The following ANKRD44 variants were observed in gnomAD, a reference collection of about 807,000 sequenced individuals.
ANKRD44 encodes the protein ankyrin repeat domain 44, also known as serine/threonine-protein phosphatase 6 regulatory ankyrin repeat subunit B.
Under a neutral mutation model 116.0 loss-of-function variants are expected in ANKRD44, and 35 were observed. That is an observed-to-expected ratio of 0.30 (90% CI 0.23 to 0.40). ANKRD44 has a LOEUF of 0.40. Ranked by LOEUF, ANKRD44 falls within the 10% of genes least tolerant of loss-of-function variation. ANKRD44 has a pLI of 1.00. For missense variants in ANKRD44, 1,014 were observed against 1,242.6 expected (o/e 0.82, Z 2.77); for synonymous variants, 435 against 461.8 (o/e 0.94, Z 0.74).
chr2:197,040,487 C>T (rs915008578), intron 16 of ANKRD44, among the ~76,000 whole-genome samples: 1 of 144,556 alleles, frequency 6.9e-6, no homozygotes, highest in Non-Finnish European at 1.5e-5. Context: ...AGTGATTATC[C>T]TGCCTCAGCC....
rs536437571 is a variant in ANKRD44 at position 197,294,561 on chromosome 2, T to C, written c.27+16017A>G. 1.2e-3 allele frequency among the ~76,000 whole-genome samples: 181 copies of C among 152,080 alleles called. 1 individual carries two copies. The highest frequency in any genetic ancestry group is 2.3e-3 in the Non-Finnish European group (155 of 68,024). On this transcript the variant is annotated intron_variant, in intron 1 of 27. Coordinates refer to ENST00000282272, the MANE Select transcript of ANKRD44 (RefSeq NM_001195144.2). Reference sequence around the variant, plus strand: ...CTGGAAACCACACACACACATATTTTCATTCTCTCTCTGTCTCTCTGCACC... The same window carrying C: ...CTGGAAACCACACACACACATATTTCCATTCTCTCTCTGTCTCTCTGCACC...
intron 1 of ANKRD44, among the ~76,000 whole-genome samples, chr2:197,283,158 A>T (rs1040328609): frequency 3.9e-5 from 6 of 152,196 alleles, no homozygotes; most frequent in African/African-American, 1.4e-4. Context: ...TCTCACCAGG[A>T]TGTGGAGGCT....
intron 18 of ANKRD44, 101 bp from the exon 19 acceptor site, chr2:197,009,132 G>A (rs187074139): frequency 5.1e-5 from 49 of 956,448 alleles, no homozygotes; most frequent in Admixed American, 4.6e-4. Context: ...TTGCTCTGTC[G>A]CCAGGCTGGA....
At chr2:197,287,253 TAA>T (rs1449548806) in intron 1 of ANKRD44, among the ~76,000 whole-genome samples, 1 of 152,148 alleles carries the variant, frequency 6.6e-6, no homozygotes, top group Non-Finnish European at 1.5e-5. Flanking sequence ...CCCTAAAAAT[TAA>T]AGTCTATTTT....
At chr2:197,081,358 C>T (rs111323680) in intron 15 of ANKRD44, among the ~76,000 whole-genome samples, 183 of 152,326 alleles carry the variant, frequency 1.2e-3, no homozygotes, top group African/African-American at 4.2e-3. Context: ...GTACATGATG[C>T]ATCGCAGTTA....
intron 1 of ANKRD44, among the ~76,000 whole-genome samples, chr2:197,305,800 C>T (rs763379528): frequency 5.3e-5 from 8 of 151,644 alleles, no homozygotes; most frequent in South Asian, 2.1e-4. Flanking sequence ...TATTATCACA[C>T]GAAAAGTTTA....
chr2:197,146,698 T>C (rs554835439), intron 3 of ANKRD44, among the ~76,000 whole-genome samples: 2 of 148,052 alleles, frequency 1.4e-5, no homozygotes, highest in South Asian at 4.2e-4. Context: ...TGTATGTTCA[T>C]GTAGACTTTA....
intron 1 of ANKRD44, among the ~76,000 whole-genome samples, chr2:197,237,225 AAAAG>A (rs1355965984): frequency 2.6e-5 from 4 of 152,356 alleles, no homozygotes; most frequent in East Asian, 1.9e-4. Context: ...TACTATAATT[AAAAG>A]AAAGGCACAA....
chr2:197,205,343 G>T (rs1297337880), intron 1 of ANKRD44, among the ~76,000 whole-genome samples: 1 of 152,200 alleles, frequency 6.6e-6, no homozygotes, highest in Non-Finnish European at 1.5e-5. Context: ...AGGAAGGGAA[G>T]GAGGGATTGA....
At chr2:197,119,212 T>C (rs899327595) in intron 8 of ANKRD44, among the ~76,000 whole-genome samples, 5 of 152,156 alleles carry the variant, frequency 3.3e-5, no homozygotes, top group African/African-American at 1.2e-4. Context: ...TTTTCCTTTT[T>C]TTTTCCTGCC....
chr2:197,147,941 A>G (rs1409564372), intron 2 of ANKRD44: 1 of 452,844 alleles, frequency 2.2e-6, no homozygotes, highest in African/African-American at 2.0e-5. Context: ...TCAAGATTCC[A>G]CAGGTATATA....
chr2:197,185,709 G>C (rs765789816), intron 2 of ANKRD44, among the ~76,000 whole-genome samples: 1 of 152,034 alleles, frequency 6.6e-6, no homozygotes, highest in Non-Finnish European at 1.5e-5. Flanking sequence ...AATCTTTTGG[G>C]AGTCAGATAC....
chr2:197,050,888 T>C (rs1463484085), intron 16 of ANKRD44, among the ~76,000 whole-genome samples: 1 of 152,256 alleles, frequency 6.6e-6, no homozygotes, highest in East Asian at 1.9e-4. Flanking sequence ...TATTCTCAGC[T>C]GTGATTGAGT....
At chr2:197,262,233 C>T (rs144044541) in intron 1 of ANKRD44, among the ~76,000 whole-genome samples, 1 of 152,246 alleles carries the variant, frequency 6.6e-6, no homozygotes, top group Non-Finnish European at 1.5e-5. Context: ...GCAGTATCTT[C>T]CTGTAGAGAA....
intron 1 of ANKRD44, among the ~76,000 whole-genome samples, chr2:197,279,034 C>T (rs913585332): frequency 3.3e-5 from 5 of 152,162 alleles, no homozygotes; most frequent in African/African-American, 4.8e-5. Flanking sequence ...TCAGACTAAG[C>T]GGGTTTTTCT....
intron 8 of ANKRD44, 118 bp from the exon 9 acceptor site, chr2:197,110,962 A>T (rs1021551171): frequency 2.9e-5 from 21 of 723,770 alleles, no homozygotes; most frequent in Non-Finnish European, 4.4e-5. Context: ...TTATTTATTT[A>T]TTTTTTAAGT....
At chr2:197,237,349 C>A (rs1156833583) in intron 1 of ANKRD44, among the ~76,000 whole-genome samples, 1 of 152,238 alleles carries the variant, frequency 6.6e-6, no homozygotes, top group Non-Finnish European at 1.5e-5. Context: ...TTTCCTGCCT[C>A]TGCTGTTTTT....
intron 17 of ANKRD44, among the ~76,000 whole-genome samples, chr2:197,014,291 T>C (rs1339470836): frequency 6.6e-6 from 1 of 152,232 alleles, no homozygotes; most frequent in Non-Finnish European, 1.5e-5. Flanking sequence ...ATGAGAGCAA[T>C]CAAAGCTGCC....
At chr2:197,257,169 G>A (rs894987396) in intron 1 of ANKRD44, among the ~76,000 whole-genome samples, 5 of 152,204 alleles carry the variant, frequency 3.3e-5, no homozygotes, top group African/African-American at 1.2e-4. Context: ...GGAGGTGGCA[G>A]CTATCACTGT....
Sources: allele counts gnomAD v4.1 joint callset (sites outside exome capture counted in the v4.1 genomes callset), GRCh38; gene constraint gnomAD v4.1.1; transcripts MANE v1.5; gene names NCBI Gene and HGNC (gene_info 2026-07-23, HGNC 2026-07-21).